The following HJURP variants were observed in gnomAD, a reference collection of about 807,000 sequenced individuals.
The protein encoded by HJURP is 14-3-3-associated AKT substrate.
Under a neutral mutation model 72.0 loss-of-function variants are expected in HJURP, and 49 were observed. The observed-to-expected ratio is 0.68, with a 90% confidence interval of 0.54 to 0.86. The LOEUF (loss-of-function observed/expected upper bound fraction) is 0.86. Among genes scored for constraint, HJURP ranks in the 40% least tolerant of loss-of-function variants. The pLI is 0.00. For missense variants in HJURP, 908 were observed against 936.3 expected (o/e 0.97, Z 0.39); for synonymous variants, 357 against 347.1 (o/e 1.03, Z -0.32).
intron 3 of HJURP, among the ~76,000 whole-genome samples, chr2:233,850,918 C>A (rs1277331015): frequency 6.6e-6 from 1 of 152,178 alleles, no homozygotes; most frequent in Non-Finnish European, 1.5e-5. Context: ...CCCACAGCCT[C>A]CCCCAGCCTC....
Position 233,842,145 on chromosome 2 carries a change from G to A in HJURP, c.635C>T (p.Pro212Leu), listed in dbSNP as rs983435008. Residue 212 changes from proline to leucine, a missense_variant, in exon 8 of 9, where the codon CCC (proline) becomes CTC (leucine). By Grantham distance (98) the Pro-to-Leu change is moderately conservative. Transcript: ENST00000411486. ...AGGATGCAAAGGATCCCATTCTCTG[G>A]GAGATGAAGCTGGTTTCGCTGGGTC... ...PGDPAKPASS[P>L]REWDPLHPSS... is the part of the protein sequence containing the mutation. 2 of 1,613,900 alleles carry A rather than the reference G, an allele frequency of 1.2e-6. No homozygotes were observed. The highest frequency in any genetic ancestry group is 1.7e-6 in the Non-Finnish European group (2 of 1,179,908).
intron 6 of HJURP, among the ~76,000 whole-genome samples, chr2:233,844,588 A>G (rs1304079799): frequency 6.6e-6 from 1 of 152,182 alleles, no homozygotes; most frequent in Admixed American, 6.5e-5. Context: ...CTCAGACCAC[A>G]AGAACACCTA....
rs1238119659 is a variant in HJURP, at chr2:233,846,776, C to CA, written c.402+620dup. On this transcript the variant is annotated intron_variant, in intron 5 of 8. Transcript: ENST00000411486. The surrounding 1 kb of genome is among the most constrained non-coding windows in gnomAD (Gnocchi z 4.3). ...ATGCATCAGGTATTCTGGCAGGCAA[C>CA]AGAGTGTGACACGGGGGCCAGGAAA... Among the ~76,000 whole-genome samples the CA allele has an allele frequency of 2.0e-5, 3 of 152,212 alleles. No individual in the cohort carries two copies. Among genetic ancestry groups the CA allele is most frequent in the African/African-American group, 7.2e-5 (3 of 41,454 alleles).
rs141220783 is a variant in HJURP at position 233,847,537 on chromosome 2, A to G, written c.338-76T>C. 565 of 1,241,640 alleles carry G rather than the reference A, an allele frequency of 4.6e-4. 2 individuals carry two copies. The African/African-American group carries it at 7.0e-3, about 15-fold the overall frequency. The allele number at this position is 1,241,640 out of a possible 1,614,324, so 76.9% of individuals were successfully genotyped here. ...TTTTCCTCTCAAGGATGGTTTTGGC[A>G]TCACTTCGAGTAAGTTGTACAGTAA... On this transcript the variant is annotated intron_variant, in intron 4 of 8. Transcript: ENST00000411486.
rs747021641 is a variant in HJURP at position 233,847,474 on chromosome 2, C to G, written c.338-13G>C. The G allele has an allele frequency of 1.2e-6, 2 of 1,611,570 alleles. No homozygotes were observed. Among genetic ancestry groups the G allele is most frequent in the East Asian group, 4.5e-5 (2 of 44,874 alleles). On this transcript the variant is annotated splice_polypyrimidine_tract_variant and intron_variant, in intron 4 of 8. Transcript: ENST00000411486. ...CCGCTTTTTGAATCTAAAAGTCAAA[C>G]AAGTAAATCTCAATCAGGATTTTCA...
In HJURP at chr2:233,837,511, AAAAAC is replaced by A; in HGVS notation, c.*61_*65del. 5 of 1,178,832 alleles carry A rather than the reference AAAAAC, an allele frequency of 4.2e-6. No individual in the cohort carries two copies. Among genetic ancestry groups the A allele is most frequent in the Non-Finnish European group, 6.3e-6 (5 of 791,280 alleles). The allele number at this position is 1,178,832 out of a possible 1,614,324, so 73.0% of individuals were successfully genotyped here. A position where few individuals can be genotyped will look rare whatever the true frequency, so the allele number is the denominator to read the frequency against. ...CCAAGTCCTCACAGTCTCAAGAATC[AAAAAC>A]AAAACAAAAATACAAACAGAGAGCA... On this transcript the variant is annotated 3_prime_UTR_variant, in exon 9 of 9. Coordinates refer to ENST00000411486, the MANE Select transcript of HJURP (RefSeq NM_018410.5).
Position 233,837,232 on chromosome 2 carries a change from G to A in HJURP, c.*345C>T. On this transcript the variant is annotated 3_prime_UTR_variant, in exon 9 of 9. Transcript: ENST00000411486. ...ACCCGGGAGGCGGAAGTTGCAGTGA[G>A]CCAAGATTGTGCCACCGCACTCCAG... 1.1e-5 allele frequency: 3 copies of A among 262,536 alleles called. No individual in the cohort carries two copies. In the South Asian group the frequency reaches 1.4e-4, roughly 12 times the overall value. 16.3% of individuals were successfully genotyped at this position (262,536 alleles called of 1,614,324 possible).
chr2:233,850,948 A>C lies in HJURP; in HGVS notation c.241-1089T>G, dbSNP rs144998671. ...AGCCTCCAGGGCGGCAGGAGCACCA[A>C]GTCGTCTGGGAAAAGGTGAAGGCGG... On this transcript the variant is annotated intron_variant, in intron 3 of 8. Transcript: ENST00000411486. Among the ~76,000 whole-genome samples the C allele has an allele frequency of 1.9e-4, 29 of 152,354 alleles. No individual in the cohort carries two copies. The East Asian group carries it at 5.2e-3, about 27-fold the overall frequency.
rs902089872 is a variant in HJURP, at chr2:233,837,598, T to G, written c.2226A>C (p.Lys742Asn). 2 of 1,610,234 alleles carry G rather than the reference T, an allele frequency of 1.2e-6. No homozygotes were observed. Among genetic ancestry groups the G allele is most frequent in the African/African-American group, 2.7e-5 (2 of 74,832 alleles). Residue 742 changes from lysine (K) to asparagine (N), a missense_variant, in exon 9 of 9, where the codon AAA (lysine) becomes AAC (asparagine). Around this residue, in one of 3 missense-constraint regions of HJURP, gnomAD observed 598 missense variants for 619.5 expected, o/e 0.97. Coordinates refer to ENST00000411486, the MANE Select transcript of HJURP (RefSeq NM_018410.5). ...CTAGCTACACACTTTTAGTTTCCAA[T>G]TTTTCTAGCATGAAATCACTTTTCT... The part of the protein sequence containing the change: ...MEEKSDFMLE[K>N]LETKSV
chr2:233,845,052 C>G (rs983867250), intron 6 of HJURP, among the ~76,000 whole-genome samples: 2 of 151,938 alleles, frequency 1.3e-5, no homozygotes, highest in African/African-American at 2.4e-5. Flanking sequence ...CTAGCCTGAT[C>G]GCACCAGGGA....
At chr2:233,839,168 C>T (rs1259003670) in intron 8 of HJURP, among the ~76,000 whole-genome samples, 1 of 152,210 alleles carries the variant, frequency 6.6e-6, no homozygotes, top group East Asian at 1.9e-4. Flanking sequence ...ACTTTGAAAA[C>T]CAAAACATCC....
At position 233,848,004 on chromosome 2, in the gene HJURP, A is replaced by G. The variant is rs145026061; in HGVS notation, c.338-543T>C. 1.0e-3 allele frequency among the ~76,000 whole-genome samples: 158 copies of G among 152,264 alleles called. No homozygotes were observed. In the East Asian group the frequency reaches 0.03, roughly 29 times the overall value. ...GTTGGGGAAATTCATGGACCTAAGGATTTATAGTTAAAATCTGGATTAATA... is the reference window on the plus strand; with the variant it reads ...GTTGGGGAAATTCATGGACCTAAGGGTTTATAGTTAAAATCTGGATTAATA... On this transcript the variant is annotated intron_variant, in intron 4 of 8. Coordinates refer to ENST00000411486, the MANE Select transcript of HJURP (RefSeq NM_018410.5).
At position 233,854,503 on chromosome 2, in the gene HJURP, G is replaced by A. The variant is rs1273777437; in HGVS notation, c.-3C>T. The A allele has an allele frequency of 1.9e-6, 3 of 1,606,868 alleles. No homozygotes were observed. Among genetic ancestry groups the A allele is most frequent in the East Asian group, 4.5e-5 (2 of 44,498 alleles). ...ATGGCGCGCAGCGTACCCAGCATCG[G>A]ACCCAGCCAGTACCCAAGCGCCAAC... On this transcript the variant is annotated 5_prime_UTR_variant, in exon 1 of 9. Coordinates refer to ENST00000411486, the MANE Select transcript of HJURP (RefSeq NM_018410.5).
Position 233,837,652 on chromosome 2 carries a change from T to A in HJURP, c.2172A>T (p.Arg724Ser). The A allele has an allele frequency of 6.3e-7, 1 of 1,581,222 alleles. No individual in the cohort carries two copies. Among genetic ancestry groups the A allele is most frequent in the Non-Finnish European group, 8.6e-7 (1 of 1,164,902 alleles). ...GSSSQPNSEE[R>S]GENTSYRMEE... Reference sequence around the variant, plus strand: ...CCATCCTGTAAGACGTGTTCTCTCCTCTAGGAAAAAAAAAAGACAAAGAAA... The same window carrying A: ...CCATCCTGTAAGACGTGTTCTCTCCACTAGGAAAAAAAAAAGACAAAGAAA... Residue 724 changes from arginine (R) to serine (S), a missense_variant and splice_region_variant, in exon 9 of 9, where the codon AGA (arginine) becomes AGT (serine). Around this residue, in one of 3 missense-constraint regions of HJURP, gnomAD observed 598 missense variants for 619.5 expected, o/e 0.97. Coordinates refer to ENST00000411486, the MANE Select transcript of HJURP (RefSeq NM_018410.5).
chr2:233,844,808 CCT>C (rs1412644071), intron 6 of HJURP, among the ~76,000 whole-genome samples: 1 of 152,216 alleles, frequency 6.6e-6, no homozygotes, highest in African/African-American at 2.4e-5. Context: ...CACATACACC[CCT>C]GTGAGATTGC....
intron 8 of HJURP, among the ~76,000 whole-genome samples, chr2:233,840,197 A>G (rs1431444814): frequency 6.6e-6 from 1 of 152,228 alleles, no homozygotes; most frequent in South Asian, 2.1e-4. Context: ...CCTACCAGGA[A>G]TCCAGAAATA....
chr2:233,844,316 GT>G lies in HJURP; in HGVS notation c.496-34del. ...CAGAGCCAGTGGTTACAAGAAAAAA[GT>G]TGCCAGGTGTCAACTGGGTGCAAGG... On this transcript the variant is annotated intron_variant, in intron 6 of 8. Coordinates refer to ENST00000411486, the MANE Select transcript of HJURP (RefSeq NM_018410.5). The G allele has an allele frequency of 3.8e-6, 6 of 1,578,366 alleles. No individual in the cohort carries two copies. In the Middle Eastern group the frequency reaches 5.0e-4, roughly 132 times the overall value.
intron 4 of HJURP, among the ~76,000 whole-genome samples, chr2:233,848,673 G>A (rs28900714): frequency 0.018 from 2,711 of 152,258 alleles, 93 homozygotes; most frequent in East Asian, 0.11. Context: ...CCTGTCTGTC[G>A]GGCTGAGTCT....
Position 233,853,887 on chromosome 2 carries a change from G to T in HJURP, c.141C>A (p.Thr47=), listed in dbSNP as rs1705553060. 6.2e-7 allele frequency: 1 copy of T among 1,613,938 alleles called. No homozygotes were observed. Among genetic ancestry groups the T allele is most frequent in the Admixed American group, 1.7e-5 (1 of 60,006 alleles). The stretch of plus-strand genomic sequence containing the variant: ...TCAGCGTGGCCATTTGCACCACCGG[G>T]GTGTCCTCGAAGGGCTGGTTGTACT... ...IEKYNQPFED[T]PVVQMATLTY... Residue 47 remains threonine, a synonymous_variant, in exon 2 of 9, where the codon ACC becomes ACA. Coordinates refer to ENST00000411486, the MANE Select transcript of HJURP (RefSeq NM_018410.5).
Sources: allele counts gnomAD v4.1 joint callset (sites outside exome capture counted in the v4.1 genomes callset), GRCh38; gene constraint gnomAD v4.1.1; regional missense constraint gnomAD v4.1.1; non-coding constraint Gnocchi (gnomAD v3.1); transcripts MANE v1.5; gene names NCBI Gene and HGNC (gene_info 2026-07-23, HGNC 2026-07-21).